Variants in JMJD1C observed in about 807,000 individuals in gnomAD.
The protein encoded by JMJD1C is jumonji domain containing 1C.
JMJD1C carries 31 observed loss-of-function variants against 245.3 expected under a neutral mutation model. The ratio of observed to expected loss-of-function variants is 0.13; its 90% confidence interval spans 0.09 to 0.17. The LOEUF (loss-of-function observed/expected upper bound fraction) is 0.17, where lower values mean the gene tolerates loss of function less well. Ranked by LOEUF, JMJD1C falls within the 10% of genes least tolerant of loss-of-function variation. The pLI, the probability that JMJD1C is intolerant of heterozygous loss-of-function variation, is 1.00. For synonymous variants in JMJD1C, 1,057 were observed against 1,017.4 expected, an observed-to-expected ratio of 1.04 and a Z score of -0.74; for missense variants, 2,691 against 3,000.2, an observed-to-expected ratio of 0.90 and a Z score of 2.41.
chr10:63,412,477 C>T (rs1026266831), intron 1 of JMJD1C, among the ~76,000 whole-genome samples: 1 of 152,162 alleles, frequency 6.6e-6, no homozygotes, highest in African/African-American at 2.4e-5. Context: ...AGGTCAACTA[C>T]TCACATGGAG....
chr10:63,189,750 T>C (rs753322146), intron 17 of JMJD1C, among the ~76,000 whole-genome samples: 3 of 152,092 alleles, frequency 2.0e-5, no homozygotes, highest in African/African-American at 2.4e-5. Flanking sequence ...AAATATTTTA[T>C]AAGAAATAGA....
intron 1 of JMJD1C, among the ~76,000 whole-genome samples, chr10:63,500,746 A>AGGATGGATGAAT (rs796916951): frequency 0.031 from 3,487 of 112,178 alleles, 81 homozygotes; most frequent in South Asian, 0.068. Flanking sequence ...GATGGATGGA[A>AGGATGGATGAAT]GGATGGATGG....
chr10:63,357,486 A>G (rs893312956), intron 2 of JMJD1C, among the ~76,000 whole-genome samples: 4 of 151,916 alleles, frequency 2.6e-5, no homozygotes, highest in Non-Finnish European at 4.4e-5. Context: ...TTGTATTTTT[A>G]GTAGAGACGG....
chr10:63,321,325 T>C (rs1589471028), intron 2 of JMJD1C, among the ~76,000 whole-genome samples: 1 of 152,254 alleles, frequency 6.6e-6, no homozygotes. Flanking sequence ...GTGAATTTTA[T>C]AGCTGCTCAG....
chr10:63,498,530 A>C (rs1954432871), intron 1 of JMJD1C, among the ~76,000 whole-genome samples: 1 of 152,116 alleles, frequency 6.6e-6, no homozygotes. Context: ...CAATGTCATC[A>C]CTTTAAATAT....
intron 1 of JMJD1C, among the ~76,000 whole-genome samples, chr10:63,477,855 A>G (rs376975210): frequency 4.3e-4 from 66 of 152,324 alleles, no homozygotes; most frequent in African/African-American, 1.5e-3. Flanking sequence ...AATATCTAGA[A>G]TATTTAAAGA....
chr10:63,457,080 T>C (rs1207184091), intron 1 of JMJD1C, among the ~76,000 whole-genome samples: 1 of 152,212 alleles, frequency 6.6e-6, no homozygotes, highest in Non-Finnish European at 1.5e-5. Flanking sequence ...ACTGCTCTTG[T>C]GTTTTAAAAA....
At chr10:63,268,363 A>G (rs1311295692) in intron 2 of JMJD1C, among the ~76,000 whole-genome samples, 2 of 152,156 alleles carry the variant, frequency 1.3e-5, no homozygotes, top group Non-Finnish European at 2.9e-5. Context: ...AACCAAAAAA[A>G]AACCTTACAA....
At chr10:63,287,265 A>G (rs1204849141) in intron 2 of JMJD1C, among the ~76,000 whole-genome samples, 1 of 152,262 alleles carries the variant, frequency 6.6e-6, no homozygotes, top group Non-Finnish European at 1.5e-5. Context: ...TGTATTAAGC[A>G]CTGTCTCAGA....
chr10:63,259,912 T>C (rs1042985468), intron 3 of JMJD1C, among the ~76,000 whole-genome samples: 4 of 152,170 alleles, frequency 2.6e-5, no homozygotes, highest in Non-Finnish European at 5.9e-5. Flanking sequence ...TACAGAACTT[T>C]TTTTTTGAGA....
Position 63,222,896 on chromosome 10 carries a change from T to A in JMJD1C, c.448-2913A>T, listed in dbSNP as rs550604353. 6.0e-6 allele frequency: 9 copies of A among 1,495,676 alleles called. No homozygotes were observed. The East Asian group carries it at 2.0e-4, about 34-fold the overall frequency. The allele number at this position is 1,495,676 out of a possible 1,614,324, so 92.7% of individuals were successfully genotyped here. On this transcript the variant is annotated intron_variant, in intron 3 of 25. Transcript: ENST00000399262. ...AACTGCATTTCCTACCAAAAAGAAGTGGGAAAGTGGGCACTGCTTAAAAGA... is the reference window on the plus strand; with the variant it reads ...AACTGCATTTCCTACCAAAAAGAAGAGGGAAAGTGGGCACTGCTTAAAAGA...
intron 3 of JMJD1C, among the ~76,000 whole-genome samples, chr10:63,247,880 G>A (rs570015657): frequency 6.6e-6 from 1 of 151,942 alleles, no homozygotes; most frequent in East Asian, 1.9e-4. Context: ...AAGAAGAGGA[G>A]GGAATACTTC....
chr10:63,305,703 G>A (rs1422941482), intron 2 of JMJD1C, among the ~76,000 whole-genome samples: 2 of 135,758 alleles, frequency 1.5e-5, no homozygotes, highest in Admixed American at 7.8e-5. Flanking sequence ...TTTCTCAAAG[G>A]GATATTGCTA....
intron 23 of JMJD1C, chr10:63,176,780 A>C (rs1379634105): frequency 1.4e-5 from 3 of 218,818 alleles, no homozygotes; most frequent in Middle Eastern, 1.5e-3. Flanking sequence ...AGTATAGCAC[A>C]TGGATGAGGA....
chr10:63,263,998 A>T (rs184059823), intron 3 of JMJD1C, among the ~76,000 whole-genome samples: 49 of 149,364 alleles, frequency 3.3e-4, no homozygotes, highest in African/African-American at 1.2e-3. Context: ...ACACACACAC[A>T]CACACACACA....
chr10:63,340,170 C>T (rs1943236476), intron 2 of JMJD1C, among the ~76,000 whole-genome samples: 1 of 152,194 alleles, frequency 6.6e-6, no homozygotes, highest in Admixed American at 6.5e-5. Flanking sequence ...CCACACCTGA[C>T]CTCATGTGAC....
intron 1 of JMJD1C, among the ~76,000 whole-genome samples, chr10:63,431,334 A>T (rs975386621): frequency 2.6e-5 from 4 of 152,248 alleles, no homozygotes; most frequent in Non-Finnish European, 5.9e-5. Context: ...AGATTAATGT[A>T]CAGAAATATG....
intron 1 of JMJD1C, among the ~76,000 whole-genome samples, chr10:63,422,969 CTT>C (rs1169825262): frequency 7.2e-6 from 1 of 138,780 alleles, no homozygotes; most frequent in Non-Finnish European, 1.6e-5. Flanking sequence ...TTTTTTTTTT[CTT>C]TTTTTTTTTG....
intron 18 of JMJD1C, among the ~76,000 whole-genome samples, chr10:63,188,329 C>T (rs1844371801): frequency 6.6e-6 from 1 of 152,182 alleles, no homozygotes; most frequent in South Asian, 2.1e-4. Flanking sequence ...ATGCAATGCA[C>T]AAGTGTGCAT....
Sources: gnomAD v4.1 joint callset for allele counts (sites outside exome capture counted in the v4.1 genomes callset) on GRCh38, gnomAD v4.1.1 for gene constraint, MANE v1.5 for transcripts, NCBI Gene and HGNC (gene_info 2026-07-23, HGNC 2026-07-21) for gene names.